DOCK1: variants seen among roughly 807,000 people sequenced by gnomAD.
DOCK1 encodes dedicator of cytokinesis 1, also known as dedicator of cytokinesis protein 1.
DOCK1 carries 138 observed loss-of-function variants against 262.7 expected under a neutral mutation model. The ratio of observed to expected loss-of-function variants is 0.53; its 90% CI spans 0.46 to 0.61. The LOEUF (loss-of-function observed/expected upper bound fraction) is 0.61. Ranked by LOEUF, DOCK1 falls within the 20% of genes least tolerant of loss-of-function variation. DOCK1 has a pLI of 0.00. For missense variants in DOCK1, 1,908 were observed against 2,370.7 expected, an observed-to-expected ratio of 0.80 and a Z score of 4.05; for synonymous variants, 866 against 867.4, an observed-to-expected ratio of 1.00 and a Z score of 0.03.
chr10:127,257,643 G>A, intron 29 of DOCK1: 1 of 407,366 alleles, frequency 2.5e-6, no homozygotes, highest in South Asian at 4.9e-5. Context: ...CTAAGAACTT[G>A]AGCTCCGTCC....
In DOCK1 at chr10:127,437,075, TTGG is replaced by T. The variant is rs1268418577; in HGVS notation, c.5061-1947_5061-1945del. 1.3e-5 allele frequency among the ~76,000 whole-genome samples: 2 copies of T among 152,200 alleles called. No homozygotes were observed. The highest frequency in any genetic ancestry group is 4.8e-5 in the African/African-American group (2 of 41,460). On this transcript the variant is annotated intron_variant, in intron 48 of 51. Transcript: ENST00000623213. The surrounding 1 kb of genome is among the most constrained non-coding windows in gnomAD (Gnocchi z 4.4). Reference sequence around the variant, plus strand: ...CTCGATTCTCCATATTCCCTGCATATTGGTGGTTGAATCTAGCGATTTGATCAG... The same window carrying T: ...CTCGATTCTCCATATTCCCTGCATATTGGTTGAATCTAGCGATTTGATCAG...
chr10:127,022,549 C>T (rs11018173), intron 13 of DOCK1, among the ~76,000 whole-genome samples: 3,676 of 152,020 alleles, frequency 0.024, 97 homozygotes, highest in East Asian at 0.089. Flanking sequence ...TGCACCACCA[C>T]GCCCAGTAGC....
intron 1 of DOCK1, among the ~76,000 whole-genome samples, chr10:126,926,991 A>G (rs61875485): frequency 0.063 from 9,513 of 151,112 alleles, 377 homozygotes; most frequent in Non-Finnish European, 0.096. Context: ...GTTGAGACAC[A>G]GGGGAAAAAG....
chr10:127,074,238 A>G (rs1041360760), intron 23 of DOCK1, among the ~76,000 whole-genome samples: 35 of 152,226 alleles, frequency 2.3e-4, no homozygotes, highest in African/African-American at 8.2e-4. Context: ...AAGCACCCAA[A>G]TAGTCAACAT....
At chr10:127,216,986 C>T (rs1589985466) in intron 27 of DOCK1, among the ~76,000 whole-genome samples, 1 of 152,116 alleles carries the variant, frequency 6.6e-6, no homozygotes, top group African/African-American at 2.4e-5. Flanking sequence ...GCCTTGAGAT[C>T]AGGGCAGAGC....
At chr10:127,270,399 C>T (rs1387561676) in intron 29 of DOCK1, among the ~76,000 whole-genome samples, 1 of 152,188 alleles carries the variant, frequency 6.6e-6, no homozygotes, top group Non-Finnish European at 1.5e-5. Context: ...TATCCCTTTT[C>T]ACTTAATAAG....
In DOCK1 at chr10:126,987,613, A is replaced by G; in HGVS notation, c.320A>G (p.Tyr107Cys). The G allele has an allele frequency of 6.4e-7, 1 of 1,558,940 alleles. No individual in the cohort carries two copies. The highest frequency in any genetic ancestry group is 8.7e-7 in the Non-Finnish European group (1 of 1,150,794). Residue 107 changes from tyrosine to cysteine, a missense_variant, in exon 5 of 52, where the codon TAC (tyrosine) becomes TGC (cysteine). Physicochemically the swap from Tyr to Cys is radical, Grantham distance 194 (BLOSUM62 -2). This residue lies in a region of DOCK1 where 227 missense variants were observed against 254.1 expected (regional missense o/e 0.89). Transcript: ENST00000623213. ...REWSTIWRQL[Y>C]VQDNREMFRS... ...TGGTCCACCATCTGGAGGCAGCTCTACGTGGTGAGAAAATGAGATATTCAT... is the reference window on the plus strand; with the variant it reads ...TGGTCCACCATCTGGAGGCAGCTCTGCGTGGTGAGAAAATGAGATATTCAT...
intron 1 of DOCK1, among the ~76,000 whole-genome samples, chr10:126,930,263 T>C (rs1327433657): frequency 6.6e-6 from 1 of 152,252 alleles, no homozygotes; most frequent in African/African-American, 2.4e-5. Flanking sequence ...GCTGGGAACA[T>C]TCATGTCCAC....
At position 127,008,718 on chromosome 10, in the gene DOCK1, C is replaced by T. The variant is rs577483562; in HGVS notation, c.986-14C>T. 1.9e-6 allele frequency: 3 copies of T among 1,576,832 alleles called. No individual in the cohort carries two copies. The highest frequency in any genetic ancestry group is 2.3e-5 in the East Asian group (1 of 43,720). ...TTTAAGCCAAAACAATCTCTGTTCT[C>T]TTTTTGTCTCCAGTGATGGATGTAA... On this transcript the variant is annotated splice_polypyrimidine_tract_variant and intron_variant, in intron 10 of 51. Transcript: ENST00000623213.
chr10:127,033,489 A>C (rs1368397179), intron 18 of DOCK1, among the ~76,000 whole-genome samples: 1 of 152,206 alleles, frequency 6.6e-6, no homozygotes, highest in Non-Finnish European at 1.5e-5. Context: ...TTAAAAATTG[A>C]ATCTTCCAAA....
At chr10:127,334,660 A>G (rs1459836052) in intron 29 of DOCK1, among the ~76,000 whole-genome samples, 4 of 152,036 alleles carry the variant, frequency 2.6e-5, no homozygotes, top group Non-Finnish European at 5.9e-5. Context: ...TGGATTATTT[A>G]TTTGTATGTT....
In DOCK1 at chr10:127,418,393, T is replaced by C. The variant is rs1013682202; in HGVS notation, c.4544T>C (p.Ile1515Thr). 6.2e-7 allele frequency: 1 copy of C among 1,612,532 alleles called. No homozygotes were observed. Residue 1515 changes from isoleucine (I) to threonine (T), a missense_variant, in exon 45 of 52, where the codon ATT becomes ACT. Around this residue, in one of 9 missense-constraint regions of DOCK1, gnomAD observed 57 missense variants for 103.1 expected, o/e 0.55. Coordinates refer to ENST00000623213, the MANE Select transcript of DOCK1 (RefSeq NM_001290223.2). Reference sequence around the variant, plus strand: ...GAAATCAGCCCCCTGGAGAATGCCATTGAGACCATGCAGCTGACGAACGAC... The same window carrying C: ...GAAATCAGCCCCCTGGAGAATGCCACTGAGACCATGCAGCTGACGAACGAC... ...MVEISPLENA[I>T]ETMQLTNDKI...
At chr10:127,214,039 A>G (rs1042519775) in intron 27 of DOCK1, among the ~76,000 whole-genome samples, 3 of 152,106 alleles carry the variant, frequency 2.0e-5, no homozygotes, top group Admixed American at 1.3e-4. Flanking sequence ...AGCAGAGACA[A>G]GGTTTCACTA....
At chr10:127,395,868 C>T (rs1189499978) in intron 38 of DOCK1, among the ~76,000 whole-genome samples, 1 of 152,210 alleles carries the variant, frequency 6.6e-6, no homozygotes, top group East Asian at 1.9e-4. Flanking sequence ...GGCCTAGAAG[C>T]CAAGAGTTCT....
At chr10:127,350,218 A>G (rs1290932521) in intron 31 of DOCK1, among the ~76,000 whole-genome samples, 2 of 151,868 alleles carry the variant, frequency 1.3e-5, no homozygotes, top group Non-Finnish European at 2.9e-5. Flanking sequence ...TTTTTATGTC[A>G]GAAAAGTTTA....
At chr10:127,117,595 C>G (rs570070055) in intron 25 of DOCK1, among the ~76,000 whole-genome samples, 3 of 152,200 alleles carry the variant, frequency 2.0e-5, no homozygotes, top group African/African-American at 7.2e-5. Context: ...TATCTGTGAT[C>G]AAATTGGTGG....
chr10:126,951,690 T>C (rs2036263644), intron 1 of DOCK1, among the ~76,000 whole-genome samples: 1 of 151,862 alleles, frequency 6.6e-6, no homozygotes, highest in African/African-American at 2.4e-5. Flanking sequence ...TTGTTGTTGG[T>C]ATTACTAGTA....
intron 43 of DOCK1, among the ~76,000 whole-genome samples, chr10:127,413,916 A>ATTTTT (rs200195531): frequency 2.7e-5 from 4 of 147,944 alleles, no homozygotes; most frequent in Non-Finnish European, 1.5e-5. Context: ...GTTTTCTGAA[A>ATTTTT]ATTTTTTTTT....
intron 27 of DOCK1, among the ~76,000 whole-genome samples, chr10:127,183,986 A>G (rs1387050709): frequency 6.6e-6 from 1 of 152,116 alleles, no homozygotes; most frequent in East Asian, 1.9e-4. Context: ...AGTTTCATCT[A>G]ATGTCTTCGA....
Sources: gnomAD v4.1 joint callset for allele counts (sites outside exome capture counted in the v4.1 genomes callset) on GRCh38, gnomAD v4.1.1 for gene constraint, gnomAD v4.1.1 regional missense constraint, Gnocchi (gnomAD v3.1) non-coding constraint, MANE v1.5 for transcripts, NCBI Gene and HGNC (gene_info 2026-07-23, HGNC 2026-07-21) for gene names.